The following AARS1 variants were observed in gnomAD, a reference collection of about 807,000 sequenced individuals.
The protein encoded by AARS1 is alanyl-tRNA synthetase 1.
Under a neutral mutation model 108.9 loss-of-function variants are expected in AARS1, and 72 were observed. The ratio of observed to expected loss-of-function variants is 0.66; its 90% CI spans 0.55 to 0.80. The LOEUF is 0.80. AARS1 is among the 30% of genes least tolerant of loss of function. The probability of loss-of-function intolerance (pLI) is 0.00; values close to 1 mark genes in which losing one functional copy is unlikely to be tolerated. For synonymous variants in AARS1, 489 were observed against 465.7 expected (o/e 1.05, Z -0.64); for missense variants, 1,193 against 1,233.2 (o/e 0.97, Z 0.49).
chr16:70,269,345 A>C (rs1404787395), intron 7 of AARS1, among the ~76,000 whole-genome samples: 1 of 138,120 alleles, frequency 7.2e-6, no homozygotes, highest in Non-Finnish European at 1.6e-5. Flanking sequence ...AAAAAAAAAA[A>C]AAAAAAAAAA....
At chr16:70,270,756 G>A (rs1179215906) in intron 5 of AARS1, among the ~76,000 whole-genome samples, 1 of 149,338 alleles carries the variant, frequency 6.7e-6, no homozygotes, top group Non-Finnish European at 1.5e-5. Flanking sequence ...AGAATCGCTT[G>A]AACCCAGGAG....
In AARS1 at chr16:70,252,688, G is replaced by T; in HGVS notation, c.*33C>A. 1 of 1,611,136 alleles carries T rather than the reference G, an allele frequency of 6.2e-7. No individual in the cohort carries two copies. ...CAGATGAAGAGCTCTTGGCTGGACG[G>T]ATGGATCCAGTGGGAGCCTCCTCCT... On this transcript the variant is annotated 3_prime_UTR_variant, in exon 21 of 21. Transcript: ENST00000261772.
At chr16:70,267,272 CAA>C (rs1461239034) in intron 9 of AARS1, among the ~76,000 whole-genome samples, 2 of 152,142 alleles carry the variant, frequency 1.3e-5, no homozygotes, top group African/African-American at 4.8e-5. Flanking sequence ...CCCCAAATTG[CAA>C]AACAGTACAT....
At chr16:70,289,292 G>C (rs971985627) in intron 1 of AARS1, 129 bp downstream of exon 1, 3 of 344,732 alleles carry the variant, frequency 8.7e-6, no homozygotes, top group Non-Finnish European at 1.7e-5. Context: ...TCCCGCTCCA[G>C]CCCAGACTGG....
At chr16:70,284,178 C>T (rs1037520090) in intron 1 of AARS1, among the ~76,000 whole-genome samples, 4 of 151,892 alleles carry the variant, frequency 2.6e-5, no homozygotes, top group Admixed American at 6.6e-5. Flanking sequence ...TGGTGGCAGG[C>T]GCCTGTAGTC....
At position 70,263,746 on chromosome 16, in the gene AARS1, C is replaced by T. The variant is rs570163030; in HGVS notation, c.1492+1212G>A. Among the ~76,000 whole-genome samples the T allele has an allele frequency of 9.2e-5, 14 of 152,106 alleles. No homozygotes were observed. The South Asian group carries it at 2.7e-3, about 29-fold the overall frequency. ...CAATCTCCCAGGCTCAAGTGATCCT[C>T]CTGCCTCAGCCCCACAAATAGCTGG... On this transcript the variant is annotated intron_variant, in intron 11 of 20. Coordinates refer to ENST00000261772, the MANE Select transcript of AARS1 (RefSeq NM_001605.3).
chr16:70,275,451 T>TA (rs974243722), intron 4 of AARS1, among the ~76,000 whole-genome samples: 18 of 151,298 alleles, frequency 1.2e-4, no homozygotes, highest in East Asian at 2.0e-4. Context: ...CAGTCTCTAC[T>TA]AAAAAATATA....
chr16:70,278,384 G>A (rs1960604264), intron 2 of AARS1, among the ~76,000 whole-genome samples: 1 of 151,870 alleles, frequency 6.6e-6, no homozygotes, highest in Admixed American at 6.6e-5. Flanking sequence ...TGACCAACAT[G>A]GAGAAACCCT....
chr16:70,261,291 A>G lies in AARS1; in HGVS notation c.1672-134T>C, dbSNP rs555740528. 8.0e-6 allele frequency: 5 copies of G among 626,714 alleles called. No homozygotes were observed. The South Asian group carries it at 8.0e-5, about 10-fold the overall frequency. The allele number at this position is 626,714 out of a possible 1,614,324, so 38.8% of individuals were successfully genotyped here. A position where few individuals can be genotyped will look rare whatever the true frequency, so the allele number is the denominator to read the frequency against. On this transcript the variant is annotated intron_variant, in intron 12 of 20. Transcript: ENST00000261772. ...TTGCACACACACACATACTCCCTTA[A>G]TATCATTAAATATGATTAAATAGGC... is the stretch of plus-strand genomic sequence containing the variant.
At chr16:70,260,987 C>T in intron 13 of AARS1, 57 bp downstream of exon 13, 1 of 1,368,106 alleles carries the variant, frequency 7.3e-7, no homozygotes, top group Non-Finnish European at 1.0e-6. Context: ...AATTTAAAGC[C>T]AGAGGAGAAG....
chr16:70,282,815 T>G, intron 1 of AARS1, 31 bp from the exon 2 acceptor site: 7 of 1,586,042 alleles, frequency 4.4e-6, no homozygotes, highest in East Asian at 2.2e-5. Context: ...GAAGGAAAAT[T>G]AAGGGAATTG....
intron 12 of AARS1, chr16:70,261,523 G>A (rs566128863): frequency 8.3e-5 from 22 of 263,796 alleles, no homozygotes; most frequent in South Asian, 1.2e-4. Context: ...GCTTGAACCC[G>A]GAAGGCAGAG....
At chr16:70,274,551 C>A (rs942973036) in intron 4 of AARS1, among the ~76,000 whole-genome samples, 6 of 151,612 alleles carry the variant, frequency 4.0e-5, no homozygotes, top group African/African-American at 1.5e-4. Context: ...TGATGAAACC[C>A]CATCTCTACT....
At chr16:70,263,965 C>T (rs927645065) in intron 11 of AARS1, among the ~76,000 whole-genome samples, 2 of 151,850 alleles carry the variant, frequency 1.3e-5, no homozygotes, top group Non-Finnish European at 2.9e-5. Flanking sequence ...TACTATTATC[C>T]GGTCGGGCGA....
Position 70,270,190 on chromosome 16 carries a change from C to A in AARS1, c.816+6G>T, listed in dbSNP as rs2152162075. On this transcript the variant is annotated splice_donor_region_variant and intron_variant, in intron 6 of 20. Coordinates refer to ENST00000261772, the MANE Select transcript of AARS1 (RefSeq NM_001605.3). ...AAGTTTACAATGTTTGCAATAGCAC[C>A]AGTACCTTCTGAATGGCTTCAAAGT... 2 of 1,614,090 alleles carry A rather than the reference C, an allele frequency of 1.2e-6. No individual in the cohort carries two copies. Among genetic ancestry groups the A allele is most frequent in the Non-Finnish European group, 1.7e-6 (2 of 1,179,980 alleles).
intron 1 of AARS1, among the ~76,000 whole-genome samples, chr16:70,288,286 T>C (rs1960914086): frequency 6.6e-6 from 1 of 150,996 alleles, no homozygotes; most frequent in South Asian, 2.1e-4. Flanking sequence ...TATTTTTGTA[T>C]ATTTGGTAGA....
intron 11 of AARS1, among the ~76,000 whole-genome samples, chr16:70,264,595 G>T (rs529828906): frequency 1.1e-4 from 17 of 152,102 alleles, no homozygotes; most frequent in Non-Finnish European, 2.5e-4. Flanking sequence ...GGGATTACAG[G>T]TGTGAGGCAC....
At chr16:70,286,089 TATTA>T (rs1960831180) in intron 1 of AARS1, among the ~76,000 whole-genome samples, 1 of 152,210 alleles carries the variant, frequency 6.6e-6, no homozygotes, top group African/African-American at 2.4e-5. Context: ...GGACTGAATA[TATTA>T]ACTATGAGTC....
In AARS1 at chr16:70,265,572, A is replaced by C; in HGVS notation, c.1313T>G (p.Met438Arg). ...TTTCCTCTCCTCTTCAAAGCCATCC[A>C]TGTCTACCACCAGGCCCTTCTCTTC... is the stretch of plus-strand genomic sequence containing the variant. Reference protein sequence around the residue: ...IAEEKGLVVDMDGFEEERKLA... With the variant: ...IAEEKGLVVDRDGFEEERKLA... The change falls in exon 10 of 21, where the codon ATG becomes AGG. Residue 438 changes from methionine to arginine, a missense_variant. By Grantham distance (91) the Met-to-Arg change is moderately conservative (BLOSUM62 -1). Coordinates refer to ENST00000261772, the MANE Select transcript of AARS1 (RefSeq NM_001605.3). 6.2e-7 allele frequency: 1 copy of C among 1,613,964 alleles called. No homozygotes were observed.
Sources: gnomAD v4.1 joint callset for allele counts (sites outside exome capture counted in the v4.1 genomes callset) on GRCh38, gnomAD v4.1.1 for gene constraint, MANE v1.5 for transcripts, NCBI Gene and HGNC (gene_info 2026-07-23, HGNC 2026-07-21) for gene names.